The following DOK6 variants were observed in gnomAD, a reference collection of about 807,000 sequenced individuals.
DOK6 encodes docking protein 6.
In DOK6, 22 loss-of-function variants were observed where a neutral mutation model predicts 44.0. That is an observed-to-expected ratio of 0.50 (90% CI 0.36 to 0.71). DOK6 has a LOEUF of 0.71. DOK6 is among the 30% of genes least tolerant of loss of function. The pLI is 0.00. For missense variants in DOK6, 340 were observed against 416.4 expected, an observed-to-expected ratio of 0.82 and a Z score of 1.60; for synonymous variants, 166 against 145.5, an observed-to-expected ratio of 1.14 and a Z score of -1.01.
At chr18:69,795,340 T>C (rs1395752854) in intron 7 of DOK6, among the ~76,000 whole-genome samples, 4 of 152,136 alleles carry the variant, frequency 2.6e-5, no homozygotes, top group Admixed American at 6.6e-5. Flanking sequence ...GCCCTTCCAT[T>C]TTTTTCATTC....
At chr18:69,821,083 T>C (rs1049736324) in intron 7 of DOK6, among the ~76,000 whole-genome samples, 2 of 152,180 alleles carry the variant, frequency 1.3e-5, no homozygotes, top group Non-Finnish European at 2.9e-5. Context: ...TCATTGTCCA[T>C]TCCTTGATTA....
chr18:69,794,635 A>C (rs1304691867), intron 7 of DOK6, among the ~76,000 whole-genome samples: 3 of 152,124 alleles, frequency 2.0e-5, no homozygotes, highest in African/African-American at 7.2e-5. Flanking sequence ...CAGGGGTCCC[A>C]ATCACCAGGC....
intron 5 of DOK6, among the ~76,000 whole-genome samples, chr18:69,722,107 A>T (rs972764155): frequency 2.0e-5 from 3 of 152,222 alleles, no homozygotes; most frequent in Non-Finnish European, 4.4e-5. Context: ...TTAATTCCAT[A>T]TTATAAAATG....
intron 1 of DOK6, among the ~76,000 whole-genome samples, chr18:69,510,362 A>C (rs1375315439): frequency 1.3e-5 from 2 of 152,182 alleles, no homozygotes; most frequent in African/African-American, 4.8e-5. Flanking sequence ...AGGGTATCTT[A>C]ATACTCACTG....
intron 4 of DOK6, among the ~76,000 whole-genome samples, chr18:69,682,151 C>T (rs1176032779): frequency 6.6e-6 from 1 of 152,190 alleles, no homozygotes; most frequent in Non-Finnish European, 1.5e-5. Flanking sequence ...ACATTCAACT[C>T]AGACACCCTT....
intron 3 of DOK6, among the ~76,000 whole-genome samples, chr18:69,651,482 C>CTTTTTTT (rs1168500882): frequency 8.6e-6 from 1 of 116,934 alleles, no homozygotes; most frequent in Non-Finnish European, 1.7e-5. Context: ...CCCCCCGCTC[C>CTTTTTTT]TTTTTTTTTT....
chr18:69,701,797 G>A lies in DOK6; in HGVS notation c.599+3204G>A, dbSNP rs150456605. On this transcript the variant is annotated intron_variant, in intron 5 of 7. Coordinates refer to ENST00000382713, the MANE Select transcript of DOK6 (RefSeq NM_152721.6). ...AATAATACTTAAATATTGCAATATA[G>A]TTATTATGAAAAGGTGGTTAGTGGT... Among the ~76,000 whole-genome samples the A allele has an allele frequency of 3.1e-3, 466 of 152,208 alleles. 2 individuals are homozygous for A. The highest frequency in any genetic ancestry group is 0.011 in the African/African-American group (442 of 41,522).
intron 3 of DOK6, among the ~76,000 whole-genome samples, chr18:69,622,327 G>A (rs1014587059): frequency 1.3e-5 from 2 of 152,112 alleles, no homozygotes; most frequent in Admixed American, 6.6e-5. Flanking sequence ...TTCAAGCTTC[G>A]TATTGTGGAA....
At chr18:69,719,445 T>C (rs1471105416) in intron 5 of DOK6, among the ~76,000 whole-genome samples, 1 of 152,206 alleles carries the variant, frequency 6.6e-6, no homozygotes, top group South Asian at 2.1e-4. Flanking sequence ...ATATTATCTG[T>C]TGGAGCAACT....
intron 5 of DOK6, among the ~76,000 whole-genome samples, chr18:69,736,702 T>C (rs987729993): frequency 1.6e-4 from 25 of 152,258 alleles, no homozygotes; most frequent in African/African-American, 6.0e-4. Context: ...TTCTTTGGGT[T>C]CATTTGCCCT....
intron 2 of DOK6, among the ~76,000 whole-genome samples, chr18:69,591,663 G>A (rs1020340281): frequency 6.6e-6 from 1 of 151,988 alleles, no homozygotes; most frequent in African/African-American, 2.4e-5. Context: ...GCATAACTGA[G>A]TAAATCAGTA....
At chr18:69,608,542 T>G (rs1181857065) in intron 3 of DOK6, among the ~76,000 whole-genome samples, 1 of 152,166 alleles carries the variant, frequency 6.6e-6, no homozygotes, top group Non-Finnish European at 1.5e-5. Flanking sequence ...GTAAAAAAAG[T>G]CATTGAAATT....
intron 1 of DOK6, among the ~76,000 whole-genome samples, chr18:69,519,303 G>T (rs1981623723): frequency 6.6e-6 from 1 of 151,586 alleles, no homozygotes; most frequent in South Asian, 2.1e-4. Context: ...TTATAGTGAA[G>T]AAAAAAACAC....
chr18:69,594,758 G>A (rs1423561029), intron 2 of DOK6, among the ~76,000 whole-genome samples: 2 of 152,082 alleles, frequency 1.3e-5, no homozygotes, highest in East Asian at 3.9e-4. Context: ...GGAGGTGGAG[G>A]CAGGAGGATC....
intron 1 of DOK6, among the ~76,000 whole-genome samples, chr18:69,435,090 G>A (rs993622218): frequency 6.7e-6 from 1 of 148,726 alleles, no homozygotes; most frequent in Admixed American, 6.7e-5. Flanking sequence ...AAGGAAGGAA[G>A]GAAAGAAGGA....
chr18:69,569,775 G>A (rs1024691675), intron 2 of DOK6, among the ~76,000 whole-genome samples: 1 of 151,768 alleles, frequency 6.6e-6, no homozygotes, highest in Non-Finnish European at 1.5e-5. Context: ...TATGTACATC[G>A]CAACACTATT....
intron 4 of DOK6, among the ~76,000 whole-genome samples, chr18:69,695,568 A>G (rs1283164339): frequency 2.0e-5 from 3 of 152,226 alleles, no homozygotes; most frequent in Non-Finnish European, 4.4e-5. Flanking sequence ...GTATTATGCT[A>G]CTAAGAGAAT....
At chr18:69,685,741 G>T (rs945301455) in intron 4 of DOK6, among the ~76,000 whole-genome samples, 2 of 152,048 alleles carry the variant, frequency 1.3e-5, no homozygotes, top group African/African-American at 4.8e-5. Flanking sequence ...TTAGGAATTT[G>T]CCCATTGCTT....
intron 2 of DOK6, among the ~76,000 whole-genome samples, chr18:69,579,260 A>G (rs1983308225): frequency 6.6e-6 from 1 of 152,206 alleles, no homozygotes. Context: ...GGAGAGAGGA[A>G]GAGAAAGAAA....
Sources: gnomAD v4.1 joint callset for allele counts (sites outside exome capture counted in the v4.1 genomes callset) on GRCh38, gnomAD v4.1.1 for gene constraint, MANE v1.5 for transcripts, NCBI Gene and HGNC (gene_info 2026-07-23, HGNC 2026-07-21) for gene names.